ANKS1B: variants seen among roughly 807,000 people sequenced by gnomAD.
The protein encoded by ANKS1B is ankyrin repeat and sterile alpha motif domain containing 1B, also known as ankyrin repeat and sterile alpha motif domain-containing protein 1B.
In ANKS1B, 36 loss-of-function variants were observed where a neutral mutation model predicts 148.3. That is an observed-to-expected ratio of 0.24 (90% CI 0.19 to 0.32). ANKS1B has a LOEUF of 0.32. Ranked by LOEUF, ANKS1B falls within the 10% of genes least tolerant of loss-of-function variation. ANKS1B has a pLI of 1.00. For synonymous variants in ANKS1B, 542 were observed against 560.8 expected (o/e 0.97, Z 0.47); for missense variants, 1,157 against 1,542.6 (o/e 0.75, Z 4.19).
chr12:99,154,181 T>C, intron 15 of ANKS1B, 108 bp downstream of exon 15: 1 of 1,388,500 alleles, frequency 7.2e-7, no homozygotes. Context: ...GTTACATATA[T>C]AAATCTGACC....
At chr12:99,043,912 C>G in intron 17 of ANKS1B, among the ~76,000 whole-genome samples, 1 of 152,300 alleles carries the variant, frequency 6.6e-6, no homozygotes, top group Non-Finnish European at 1.5e-5. Flanking sequence ...TCAAAATTCT[C>G]AATAGTTTTT....
chr12:99,539,802 C>A (rs2097107729), intron 9 of ANKS1B, among the ~76,000 whole-genome samples: 1 of 152,006 alleles, frequency 6.6e-6, no homozygotes, highest in Non-Finnish European at 1.5e-5. Flanking sequence ...TTCCTGGCCT[C>A]AAGGGATCCT....
At chr12:98,790,308 A>G (rs1238297536) in intron 22 of ANKS1B, among the ~76,000 whole-genome samples, 2 of 152,204 alleles carry the variant, frequency 1.3e-5, no homozygotes, top group African/African-American at 4.8e-5. Flanking sequence ...TTCCTGGCTT[A>G]GTTCCATTCC....
intron 15 of ANKS1B, among the ~76,000 whole-genome samples, chr12:99,136,371 G>A (rs773058711): frequency 9.9e-5 from 15 of 152,178 alleles, no homozygotes; most frequent in Non-Finnish European, 1.9e-4. Context: ...GCAGCACTAA[G>A]GTCTCTAGTA....
At chr12:99,773,324 G>A (rs914025523) in intron 7 of ANKS1B, among the ~76,000 whole-genome samples, 3 of 151,996 alleles carry the variant, frequency 2.0e-5, no homozygotes, top group African/African-American at 4.8e-5. Context: ...AATAATTATT[G>A]TAAGGTTATG....
At chr12:99,242,863 C>T (rs1014683282) in intron 14 of ANKS1B, among the ~76,000 whole-genome samples, 3 of 152,118 alleles carry the variant, frequency 2.0e-5, no homozygotes, top group African/African-American at 7.2e-5. Flanking sequence ...AAACTGGATC[C>T]CTTCCTCACA....
At position 99,358,142 on chromosome 12, in the gene ANKS1B, T is replaced by G. The variant is rs986930365; in HGVS notation, c.1756+41489A>C. 5.3e-5 allele frequency among the ~76,000 whole-genome samples: 8 copies of G among 152,114 alleles called. 1 individual carries two copies. In the South Asian group the frequency reaches 1.7e-3, roughly 32 times the overall value. ...TTTATATAGGTTAACATTTACTTCT[T>G]AATTTTCATACACTGCTTTGTGGCA... On this transcript the variant is annotated intron_variant, in intron 12 of 26. Coordinates refer to ENST00000683438, the MANE Select transcript of ANKS1B (RefSeq NM_001352186.2).
At chr12:98,816,287 ATTAT>A (rs571730547) in intron 19 of ANKS1B, among the ~76,000 whole-genome samples, 21 of 152,162 alleles carry the variant, frequency 1.4e-4, no homozygotes, top group South Asian at 8.3e-4. Flanking sequence ...TCAAGCAGAA[ATTAT>A]TTATTTATTT....
chr12:99,322,643 A>G (rs1254927430), intron 12 of ANKS1B, among the ~76,000 whole-genome samples: 1 of 152,116 alleles, frequency 6.6e-6, no homozygotes, highest in Non-Finnish European at 1.5e-5. Flanking sequence ...TGAGAACCCT[A>G]TGATTCAGTT....
chr12:99,210,539 C>T (rs1016073672), intron 14 of ANKS1B, among the ~76,000 whole-genome samples: 3 of 152,078 alleles, frequency 2.0e-5, no homozygotes, highest in Non-Finnish European at 4.4e-5. Context: ...TGGCAATATC[C>T]CTAATGCAAT....
chr12:99,030,325 C>T (rs1158630753), intron 17 of ANKS1B, among the ~76,000 whole-genome samples: 2 of 152,174 alleles, frequency 1.3e-5, no homozygotes, highest in South Asian at 2.1e-4. Flanking sequence ...GCGACTGGTG[C>T]TTCTACATAC....
intron 1 of ANKS1B, among the ~76,000 whole-genome samples, chr12:99,955,813 C>G (rs2095314379): frequency 6.6e-6 from 1 of 151,976 alleles, no homozygotes; most frequent in Non-Finnish European, 1.5e-5. Flanking sequence ...AAAAAAGTAT[C>G]CATAAATAGC....
At chr12:98,977,577 A>G (rs1279410826) in intron 17 of ANKS1B, among the ~76,000 whole-genome samples, 1 of 152,190 alleles carries the variant, frequency 6.6e-6, no homozygotes, top group Admixed American at 6.5e-5. Context: ...CACGCTTAGA[A>G]ATCAAATAAA....
chr12:99,549,799 C>A (rs1225185262), intron 9 of ANKS1B, among the ~76,000 whole-genome samples: 1 of 152,220 alleles, frequency 6.6e-6, no homozygotes. Flanking sequence ...CGCCATTCCA[C>A]AGACCCTGGT....
At chr12:99,221,495 A>G (rs2085124658) in intron 14 of ANKS1B, among the ~76,000 whole-genome samples, 1 of 152,202 alleles carries the variant, frequency 6.6e-6, no homozygotes, top group Non-Finnish European at 1.5e-5. Context: ...TCACATCAAT[A>G]GAAATAGACC....
intron 14 of ANKS1B, among the ~76,000 whole-genome samples, chr12:99,218,918 C>G (rs2084658329): frequency 6.6e-6 from 1 of 152,204 alleles, no homozygotes; most frequent in South Asian, 2.1e-4. Flanking sequence ...CCTGCACCTC[C>G]TAACCATTTT....
intron 9 of ANKS1B, among the ~76,000 whole-genome samples, chr12:99,509,293 A>C (rs1433153411): frequency 6.6e-6 from 1 of 151,886 alleles, no homozygotes; most frequent in East Asian, 1.9e-4. Flanking sequence ...TTTAAATAAA[A>C]AGCTAACAAT....
At chr12:99,355,558 T>C (rs901022587) in intron 12 of ANKS1B, among the ~76,000 whole-genome samples, 5 of 152,292 alleles carry the variant, frequency 3.3e-5, no homozygotes, top group African/African-American at 1.2e-4. Flanking sequence ...CACTTCTGTT[T>C]GCTTGGCTTT....
chr12:98,919,601 C>T (rs2099798729), intron 17 of ANKS1B, among the ~76,000 whole-genome samples: 1 of 152,204 alleles, frequency 6.6e-6, no homozygotes, highest in African/African-American at 2.4e-5. Flanking sequence ...ACCCTAACAC[C>T]CACTTTCCAA....
Sources: allele counts gnomAD v4.1 joint callset (sites outside exome capture counted in the v4.1 genomes callset), GRCh38; gene constraint gnomAD v4.1.1; transcripts MANE v1.5; gene names NCBI Gene and HGNC (gene_info 2026-07-23, HGNC 2026-07-21).